The following SGCZ variants were observed in gnomAD, a reference collection of about 807,000 sequenced individuals.
SGCZ encodes the protein sarcoglycan zeta.
SGCZ carries 40 observed loss-of-function variants against 41.3 expected under a neutral mutation model. The ratio of observed to expected loss-of-function variants is 0.97; its 90% CI spans 0.75 to 1.26. The LOEUF is 1.26. Among genes scored for constraint, SGCZ ranks in the 50% most tolerant of loss-of-function variants. The pLI is 0.00. For synonymous variants in SGCZ, 206 were observed against 137.5 expected (o/e 1.50, Z -3.49); for missense variants, 552 against 369.8 (o/e 1.49, Z -4.04).
At chr8:14,497,191 C>G (rs1802013170) in intron 2 of SGCZ, among the ~76,000 whole-genome samples, 1 of 152,066 alleles carries the variant, frequency 6.6e-6, no homozygotes, top group Admixed American at 6.6e-5. Flanking sequence ...TTTTTAAAAA[C>G]AGAGGTTTAT....
intron 2 of SGCZ, among the ~76,000 whole-genome samples, chr8:14,550,023 C>T (rs1803752328): frequency 6.6e-6 from 1 of 151,964 alleles, no homozygotes; most frequent in African/African-American, 2.4e-5. Flanking sequence ...GATTCCTAGA[C>T]TTCCTTCTAG....
chr8:14,195,197 A>G (rs923006941), intron 4 of SGCZ, among the ~76,000 whole-genome samples: 1 of 152,078 alleles, frequency 6.6e-6, no homozygotes, highest in Admixed American at 6.6e-5. Context: ...AAAAACATGT[A>G]TTATAACTGT....
chr8:14,419,426 C>T (rs1340557791), intron 2 of SGCZ, among the ~76,000 whole-genome samples: 1 of 151,800 alleles, frequency 6.6e-6, no homozygotes, highest in Non-Finnish European at 1.5e-5. Context: ...AATTTATCCT[C>T]TATGAGATTT....
intron 4 of SGCZ, among the ~76,000 whole-genome samples, chr8:14,189,420 T>G (rs1321370041): frequency 6.6e-6 from 1 of 152,202 alleles, no homozygotes; most frequent in East Asian, 1.9e-4. Context: ...TGGTTCTTGC[T>G]TCTCTTTCAG....
chr8:14,773,462 G>C (rs963433902), intron 1 of SGCZ, among the ~76,000 whole-genome samples: 1 of 152,076 alleles, frequency 6.6e-6, no homozygotes, highest in Non-Finnish European at 1.5e-5. Context: ...ATACCATTAC[G>C]TATCCAGATG....
intron 1 of SGCZ, among the ~76,000 whole-genome samples, chr8:14,556,577 C>T (rs773321597): frequency 5.3e-5 from 8 of 151,962 alleles, no homozygotes; most frequent in Non-Finnish European, 1.2e-4. Context: ...AGCCTTTTCT[C>T]GTTCACTCAC....
Position 14,105,479 on chromosome 8 carries a change from C to G in SGCZ, c.620+2684G>C, listed in dbSNP as rs551483183. Among the ~76,000 whole-genome samples the G allele has an allele frequency of 9.5e-4, 144 of 152,202 alleles. 1 individual carries two copies. The highest frequency in any genetic ancestry group is 3.3e-3 in the African/African-American group (137 of 41,554). ...GTGTTGATTAGAAGTAGGCATCAAC[C>G]AACAAACAGTACTTACCTCTCTGAA... On this transcript the variant is annotated intron_variant, in intron 6 of 7. Transcript: ENST00000382080.
intron 1 of SGCZ, among the ~76,000 whole-genome samples, chr8:14,745,179 T>C (rs1799307231): frequency 6.6e-6 from 1 of 150,998 alleles, no homozygotes. Flanking sequence ...CAACATCACT[T>C]CATTTTCTGT....
chr8:14,219,533 G>A (rs1806117050), intron 4 of SGCZ, among the ~76,000 whole-genome samples: 3 of 152,156 alleles, frequency 2.0e-5, no homozygotes, highest in Admixed American at 2.0e-4. Flanking sequence ...CAGATCACAA[G>A]GTCAGGAGTT....
intron 2 of SGCZ, among the ~76,000 whole-genome samples, chr8:14,329,876 C>T (rs1337140241): frequency 6.6e-6 from 1 of 151,810 alleles, no homozygotes; most frequent in Admixed American, 6.6e-5. Flanking sequence ...TTCATCATCA[C>T]TCAACTTATA....
intron 1 of SGCZ, among the ~76,000 whole-genome samples, chr8:14,812,467 T>A (rs185972337): frequency 3.8e-4 from 58 of 152,258 alleles, no homozygotes; most frequent in Non-Finnish European, 7.7e-4. Context: ...AGGCCTGGAA[T>A]ATAACCCCAA....
chr8:15,128,144 G>C (rs1240200541), intron 1 of SGCZ, among the ~76,000 whole-genome samples: 1 of 152,000 alleles, frequency 6.6e-6, no homozygotes, highest in Non-Finnish European at 1.5e-5. Flanking sequence ...TTCCACAAGA[G>C]CTGGACCACA....
At chr8:15,096,921 G>A (rs1043337865) in intron 1 of SGCZ, among the ~76,000 whole-genome samples, 73 of 152,102 alleles carry the variant, frequency 4.8e-4, no homozygotes, top group African/African-American at 1.6e-3. Context: ...TTCTGACCTC[G>A]TGATCCACCC....
intron 1 of SGCZ, among the ~76,000 whole-genome samples, chr8:14,746,196 T>A (rs1799336789): frequency 6.6e-6 from 1 of 152,088 alleles, no homozygotes; most frequent in East Asian, 1.9e-4. Context: ...CGTAGAGATT[T>A]AAAAAAATGG....
chr8:15,081,291 G>T (rs917084528), intron 1 of SGCZ, among the ~76,000 whole-genome samples: 2 of 152,092 alleles, frequency 1.3e-5, no homozygotes, highest in Non-Finnish European at 2.9e-5. Flanking sequence ...ATGACAAAAG[G>T]AGTAATGTCA....
At chr8:14,263,380 C>A (rs545889147) in intron 3 of SGCZ, among the ~76,000 whole-genome samples, 3 of 152,066 alleles carry the variant, frequency 2.0e-5, no homozygotes, top group Admixed American at 1.3e-4. Flanking sequence ...GAAACCCCAT[C>A]TCTACCAAAA....
chr8:14,618,500 T>C (rs1806179759), intron 1 of SGCZ, among the ~76,000 whole-genome samples: 1 of 152,118 alleles, frequency 6.6e-6, no homozygotes, highest in African/African-American at 2.4e-5. Context: ...ACCAGATTGA[T>C]TGTGATGAAA....
intron 1 of SGCZ, among the ~76,000 whole-genome samples, chr8:14,926,251 T>G (rs1454549928): frequency 6.6e-6 from 1 of 152,152 alleles, no homozygotes; most frequent in African/African-American, 2.4e-5. Context: ...CAATTTTATA[T>G]AAAATAAGCA....
At chr8:14,461,690 C>G (rs1800906274) in intron 2 of SGCZ, among the ~76,000 whole-genome samples, 1 of 152,088 alleles carries the variant, frequency 6.6e-6, no homozygotes, top group African/African-American at 2.4e-5. Flanking sequence ...AGACTTTAGA[C>G]TAGCAAGATA....
Sources: allele counts gnomAD v4.1 joint callset (sites outside exome capture counted in the v4.1 genomes callset), GRCh38; gene constraint gnomAD v4.1.1; transcripts MANE v1.5; gene names NCBI Gene and HGNC (gene_info 2026-07-23, HGNC 2026-07-21).